WDR17: variants seen among roughly 807,000 people sequenced by gnomAD.
The protein encoded by WDR17 is WD repeat domain 17.
WDR17 carries 143 observed loss-of-function variants against 161.7 expected under a neutral mutation model. That is an observed-to-expected ratio of 0.88 (90% CI 0.77 to 1.02). The LOEUF is 1.02. Ranked by LOEUF, WDR17 falls within the 50% of genes least tolerant of loss-of-function variation. The pLI is 0.00. For missense variants in WDR17, 1,469 were observed against 1,520.9 expected (o/e 0.97, Z 0.57); for synonymous variants, 517 against 515.6 (o/e 1.00, Z -0.04).
Position 176,148,281 on chromosome 4 carries a change from A to G in WDR17, c.1843A>G (p.Thr615Ala). The G allele has an allele frequency of 6.2e-7, 1 of 1,613,838 alleles. No individual in the cohort carries two copies. The highest frequency in any genetic ancestry group is 8.5e-7 in the Non-Finnish European group (1 of 1,179,780). ...SWDYTIKVWD[T>A]REGTCVDTVY... is the part of the protein sequence containing the mutation. ...GGACTATACTATAAAAGTATGGGAC[A>G]CTCGAGAAGGAACTTGTGTGGATAC... Residue 615 changes from threonine (T) to alanine (A), a missense_variant, in exon 13 of 29, where the codon ACT (threonine) becomes GCT (alanine). By Grantham distance (58) the Thr-to-Ala change is moderately conservative. Transcript: ENST00000508596.
At chr4:176,166,186 T>C in intron 22 of WDR17, 1 of 645,138 alleles carries the variant, frequency 1.6e-6, no homozygotes, top group East Asian at 3.4e-5. Flanking sequence ...CTTTAAAATG[T>C]ATATACTCCT....
At position 176,115,967 on chromosome 4, in the gene WDR17, G is replaced by A. The variant is rs764121573; in HGVS notation, c.295G>A (p.Asp99Asn). The change falls in exon 3 of 29, where the codon GAC becomes AAC. Residue 99 changes from aspartate to asparagine, a missense_variant. By Grantham distance (23) the Asp-to-Asn change is conservative. Coordinates refer to ENST00000508596, the MANE Select transcript of WDR17 (RefSeq NM_181265.4). ...VAEQKVIAKL[D>N]STKGIPASLS... is the part of the protein sequence containing the mutation. Reference sequence around the variant, plus strand: ...AGAACAAAAAGTCATTGCTAAACTCGACAGTACAAAAGGTATAATTACAAC... The same window carrying A: ...AGAACAAAAAGTCATTGCTAAACTCAACAGTACAAAAGGTATAATTACAAC... The A allele has an allele frequency of 6.2e-6, 10 of 1,603,926 alleles. No homozygotes were observed. In the African/African-American group the frequency reaches 9.4e-5, roughly 15 times the overall value.
intron 1 of WDR17, among the ~76,000 whole-genome samples, chr4:176,076,266 CACATAT>C (rs1734002995): frequency 6.9e-6 from 1 of 144,732 alleles, no homozygotes; most frequent in Non-Finnish European, 1.5e-5. Flanking sequence ...CACACACACA[CACATAT>C]ATATACATGT....
At chr4:176,141,065 C>A (rs1416772435) in intron 10 of WDR17, among the ~76,000 whole-genome samples, 1 of 152,140 alleles carries the variant, frequency 6.6e-6, no homozygotes, top group Admixed American at 6.5e-5. Context: ...TCTAAAACTT[C>A]ATAATACATT....
At chr4:176,163,747 G>A (rs900795103) in intron 22 of WDR17, among the ~76,000 whole-genome samples, 4 of 152,100 alleles carry the variant, frequency 2.6e-5, no homozygotes, top group African/African-American at 9.7e-5. Flanking sequence ...CCCAGACTCT[G>A]GCAATACCCA....
intron 23 of WDR17, among the ~76,000 whole-genome samples, chr4:176,171,140 C>T (rs148161434): frequency 6.6e-6 from 1 of 152,076 alleles, no homozygotes; most frequent in Non-Finnish European, 1.5e-5. Context: ...TTTTACACTA[C>T]CATAAAGTCA....
intron 22 of WDR17, among the ~76,000 whole-genome samples, chr4:176,168,370 ACTACTTAG>A (rs930250259): frequency 6.6e-6 from 1 of 152,128 alleles, no homozygotes; most frequent in Non-Finnish European, 1.5e-5. Flanking sequence ...CATATTCAAA[ACTACTTAG>A]ATTAGAGAAT....
intron 18 of WDR17, among the ~76,000 whole-genome samples, chr4:176,157,671 G>A (rs1038948618): frequency 6.6e-6 from 1 of 152,196 alleles, no homozygotes; most frequent in Non-Finnish European, 1.5e-5. Flanking sequence ...AGACCAAAGT[G>A]GAGTCACTCC....
chr4:176,139,948 A>G lies in WDR17; in HGVS notation c.1416A>G (p.Ile472Met), dbSNP rs1378026168. 1 of 1,611,976 alleles carries G rather than the reference A, an allele frequency of 6.2e-7. No individual in the cohort carries two copies. The highest frequency in any genetic ancestry group is 8.5e-7 in the Non-Finnish European group (1 of 1,178,770). Residue 472 changes from isoleucine to methionine, a missense_variant, in exon 10 of 29, where the codon ATA becomes ATG. Coordinates refer to ENST00000508596, the MANE Select transcript of WDR17 (RefSeq NM_181265.4). ...IAWSHKDSKR[I>M]ATCSSDGFCI... ...GGAGTCATAAAGATTCTAAAAGAAT[A>G]GCAACCTGCAGCAGTGATGGTTTCT...
chr4:176,177,240 T>A, intron 27 of WDR17, 84 bp downstream of exon 27: 5 of 1,234,088 alleles, frequency 4.1e-6, no homozygotes, highest in Middle Eastern at 3.9e-4. Flanking sequence ...GTGGTCTCAT[T>A]AATTTTAGCA....
chr4:176,075,979 A>T (rs1181942657), intron 1 of WDR17, among the ~76,000 whole-genome samples: 1 of 151,936 alleles, frequency 6.6e-6, no homozygotes, highest in African/African-American at 2.4e-5. Flanking sequence ...TGGCTCAAAA[A>T]AGGAAAAAAA....
chr4:176,120,003 C>T lies in WDR17; in HGVS notation c.444C>T (p.Phe148=). 1 of 1,613,974 alleles carries T rather than the reference C, an allele frequency of 6.2e-7. No individual in the cohort carries two copies. The highest frequency in any genetic ancestry group is 8.5e-7 in the Non-Finnish European group (1 of 1,179,996). Residue 148 remains phenylalanine, a synonymous_variant, in exon 4 of 29, where the codon TTC becomes TTT. Transcript: ENST00000508596. ...GVIVHKDAHS[F]LSDICMFRWH... is the part of the protein sequence containing the mutation. ...TTGTACACAAAGATGCTCATAGCTTCTTGTCTGATATCTGTATGTTCAGAT... is the reference window on the plus strand; with the variant it reads ...TTGTACACAAAGATGCTCATAGCTTTTTGTCTGATATCTGTATGTTCAGAT...
intron 1 of WDR17, among the ~76,000 whole-genome samples, chr4:176,085,786 G>A (rs554614493): frequency 7.9e-5 from 12 of 151,862 alleles, no homozygotes; most frequent in African/African-American, 2.2e-4. Context: ...AAACTATTTC[G>A]TTGCTTTCAC....
intron 1 of WDR17, among the ~76,000 whole-genome samples, chr4:176,098,721 T>A (rs959382365): frequency 1.3e-5 from 2 of 152,018 alleles, no homozygotes. Flanking sequence ...TGTTTGAATA[T>A]GTAATTCAGA....
At chr4:176,155,548 T>TTTTTTTTGTTTTGTTTTGTTTTG (rs1395974007) in intron 17 of WDR17, among the ~76,000 whole-genome samples, 4,879 of 138,704 alleles carry the variant, frequency 0.035, 337 homozygotes, top group African/African-American at 0.12. Flanking sequence ...TGTTTGTGTT[T>TTTTTTTTGTTTTGTTTTGTTTTG]TTTTTTTTTT....
In WDR17 at chr4:176,138,752, A is replaced by T. The variant is rs575927615; in HGVS notation, c.1360-1140A>T. ...CATATCTGCCCACTAGTACCTAAAC[A>T]CTTCCAGCCTGATTGTGGAAACCCA... On this transcript the variant is annotated intron_variant, in intron 9 of 28. Coordinates refer to ENST00000508596, the MANE Select transcript of WDR17 (RefSeq NM_181265.4). Among the ~76,000 whole-genome samples, 4 of 151,936 alleles carry T rather than the reference A, an allele frequency of 2.6e-5. No individual in the cohort carries two copies. The East Asian group carries it at 7.7e-4, about 29-fold the overall frequency.
chr4:176,076,803 T>C (rs983605748), intron 1 of WDR17, among the ~76,000 whole-genome samples: 1 of 152,110 alleles, frequency 6.6e-6, no homozygotes, highest in Non-Finnish European at 1.5e-5. Context: ...ATATAGGCTA[T>C]TGATTACCAA....
rs1561206134 is a variant in WDR17, at chr4:176,164,644, CTTT to C, written c.2990+1352_2990+1354del. Among the ~76,000 whole-genome samples, 95 of 152,312 alleles carry C rather than the reference CTTT, an allele frequency of 6.2e-4. 1 individual carries two copies. The highest frequency in any genetic ancestry group is 2.3e-3 in the African/African-American group (94 of 41,586). Reference sequence around the variant, plus strand: ...GATGAGGGATACCCAACCTGTACCACTTTCTTATCTGCAGCCAACTCGGGAAAA... The same window carrying C: ...GATGAGGGATACCCAACCTGTACCACCTTATCTGCAGCCAACTCGGGAAAA... On this transcript the variant is annotated intron_variant, in intron 22 of 28. Coordinates refer to ENST00000508596, the MANE Select transcript of WDR17 (RefSeq NM_181265.4).
chr4:176,145,220 G>T (rs1023613704), intron 11 of WDR17, among the ~76,000 whole-genome samples: 4 of 151,788 alleles, frequency 2.6e-5, no homozygotes, highest in South Asian at 4.2e-4. Context: ...GACTATTCTG[G>T]CAGGTCCGTG....
Sources: gnomAD v4.1 joint callset for allele counts (sites outside exome capture counted in the v4.1 genomes callset) on GRCh38, gnomAD v4.1.1 for gene constraint, MANE v1.5 for transcripts, NCBI Gene and HGNC (gene_info 2026-07-23, HGNC 2026-07-21) for gene names.